PDCD11: variants seen among roughly 807,000 people sequenced by gnomAD.
PDCD11 encodes protein RRP5 homolog.
In PDCD11, 97 loss-of-function variants were observed where a neutral mutation model predicts 198.9. The ratio of observed to expected loss-of-function variants is 0.49; its 90% confidence interval spans 0.41 to 0.58. The LOEUF is 0.58. PDCD11 is among the 20% of genes least tolerant of loss of function. The pLI, the probability that PDCD11 is intolerant of heterozygous loss-of-function variation, is 0.00. For synonymous variants in PDCD11, 893 were observed against 918.0 expected, an observed-to-expected ratio of 0.97 and a Z score of 0.49; for missense variants, 2,102 against 2,312.7, an observed-to-expected ratio of 0.91 and a Z score of 1.87.
intron 21 of PDCD11, among the ~76,000 whole-genome samples, chr10:103,429,567 C>CT (rs1195932977): frequency 6.6e-6 from 1 of 152,014 alleles, no homozygotes; most frequent in Non-Finnish European, 1.5e-5. Flanking sequence ...TTCACATGGT[C>CT]TTCCTTTTAT....
rs754581974 is a variant in PDCD11 at position 103,442,286 on chromosome 10, C to T, written c.4781C>T (p.Ala1594Val). 58 of 1,614,062 alleles carry T rather than the reference C, an allele frequency of 3.6e-5. No homozygotes were observed. The highest frequency in any genetic ancestry group is 5.0e-5 in the Admixed American group (3 of 60,006). ...AEKELSRIEE[A>V]LMDPGRQPES... ...AAGGAACTGTCCCGCATTGAGGAGG[C>T]GCTGATGGATCCTGGGCGGCAGCCA... The change falls in exon 32 of 36, where the codon GCG (alanine) becomes GTG (valine). Residue 1594 changes from alanine (A) to valine (V), a missense_variant. By Grantham distance (64) the Ala-to-Val change is moderately conservative. Coordinates refer to ENST00000369797, the MANE Select transcript of PDCD11 (RefSeq NM_014976.2).
chr10:103,411,360 AATTT>A (rs755531631), intron 8 of PDCD11, among the ~76,000 whole-genome samples: 68 of 152,116 alleles, frequency 4.5e-4, no homozygotes, highest in Non-Finnish European at 6.6e-4. Context: ...TGCTATAGAT[AATTT>A]ATTTATTTAT....
intron 28 of PDCD11, 63 bp downstream of exon 28, chr10:103,439,931 C>A: frequency 6.3e-7 from 1 of 1,593,958 alleles, no homozygotes; most frequent in Non-Finnish European, 8.6e-7. Flanking sequence ...TCCAGGAGCC[C>A]TGGGAGGAGA....
intron 15 of PDCD11, among the ~76,000 whole-genome samples, chr10:103,419,014 C>T (rs1454149510): frequency 2.6e-5 from 4 of 151,802 alleles, no homozygotes; most frequent in South Asian, 2.1e-4. Context: ...GCCTTCTCCC[C>T]GCGGGGCTAT....
At position 103,418,430 on chromosome 10, in the gene PDCD11, C is replaced by T. The variant is rs1414222185; in HGVS notation, c.1912-10C>T. On this transcript the variant is annotated splice_polypyrimidine_tract_variant and intron_variant, in intron 14 of 35. Transcript: ENST00000369797. ...CAAGTGCTATTTTTGTCTTTCTCTTCCCTGGGTAGTTGGTAGATGTGAAGG... is the reference window on the plus strand; with the variant it reads ...CAAGTGCTATTTTTGTCTTTCTCTTTCCTGGGTAGTTGGTAGATGTGAAGG... 2.5e-6 allele frequency: 4 copies of T among 1,610,094 alleles called. No individual in the cohort carries two copies. The highest frequency in any genetic ancestry group is 3.4e-6 in the Non-Finnish European group (4 of 1,177,230).
At chr10:103,434,166 T>A in intron 23 of PDCD11, 82 bp from the exon 24 acceptor site, 1 of 1,212,836 alleles carries the variant, frequency 8.2e-7, no homozygotes, top group Admixed American at 1.7e-5. Flanking sequence ...GGGAGATACT[T>A]GCTTTGGAGA....
At position 103,439,800 on chromosome 10, in the gene PDCD11, C is replaced by G. The variant is rs759740533; in HGVS notation, c.4080C>G (p.Ser1360Arg). ...GGTACTCCCATGTCTCCCAGCACAG[C>G]CCGTCCAAGAAAGCCCTTTATAACA... is the stretch of plus-strand genomic sequence containing the variant. ...LARYSHVSQH[S>R]PSKKALYNKH... The change falls in exon 28 of 36, where the codon AGC becomes AGG. Residue 1360 changes from serine (S) to arginine (R), a missense_variant. Coordinates refer to ENST00000369797, the MANE Select transcript of PDCD11 (RefSeq NM_014976.2). 26 of 1,614,154 alleles carry G rather than the reference C, an allele frequency of 1.6e-5. No individual in the cohort carries two copies. The Admixed American group carries it at 3.3e-4, about 21-fold the overall frequency.
At position 103,440,566 on chromosome 10, in the gene PDCD11, G is replaced by A; in HGVS notation, c.4425G>A (p.Glu1475=). 6.2e-7 allele frequency: 1 copy of A among 1,611,438 alleles called. No individual in the cohort carries two copies. The highest frequency in any genetic ancestry group is 1.1e-5 in the South Asian group (1 of 90,940). ...AQKRGGRECR[E]SGSEQERVSK... Reference sequence around the variant, plus strand: ...AGCGGGGCGGGCGGGAGTGCCGGGAGTCTGGGAGTGAGCAGGTGAGGTCCT... The same window carrying A: ...AGCGGGGCGGGCGGGAGTGCCGGGAATCTGGGAGTGAGCAGGTGAGGTCCT... Residue 1475 remains glutamate (E), a synonymous_variant, in exon 29 of 36, where the codon GAG becomes GAA. Coordinates refer to ENST00000369797, the MANE Select transcript of PDCD11 (RefSeq NM_014976.2).
At chr10:103,428,250 A>T (rs945206147) in intron 21 of PDCD11, among the ~76,000 whole-genome samples, 3 of 151,908 alleles carry the variant, frequency 2.0e-5, no homozygotes, top group African/African-American at 7.3e-5. Flanking sequence ...GGTTGGAGTA[A>T]GTCAAAATCT....
intron 28 of PDCD11, 29 bp from the exon 29 acceptor site, chr10:103,440,261 C>T: frequency 6.3e-7 from 1 of 1,587,900 alleles, no homozygotes; most frequent in South Asian, 1.2e-5. Context: ...TTTATGATGT[C>T]TTTACCTCCC....
chr10:103,417,403 C>G (rs1165824065), intron 13 of PDCD11, among the ~76,000 whole-genome samples: 2 of 152,166 alleles, frequency 1.3e-5, no homozygotes, highest in Non-Finnish European at 2.9e-5. Context: ...AACTCCCTGG[C>G]TTCAAGTGAT....
Position 103,442,330 on chromosome 10 carries a change from G to T in PDCD11, c.4825G>T (p.Asp1609Tyr). The T allele has an allele frequency of 6.2e-7, 1 of 1,614,224 alleles. No individual in the cohort carries two copies. Among genetic ancestry groups the T allele is most frequent in the South Asian group, 1.1e-5 (1 of 91,056 alleles). ...GCAGCCAGAGTCCGCGGATGATTTTGACCGACTGGTGCTGAGCTCCCCCAA... is the reference window on the plus strand; with the variant it reads ...GCAGCCAGAGTCCGCGGATGATTTTTACCGACTGGTGCTGAGCTCCCCCAA... The part of the protein sequence containing the change: ...GRQPESADDF[D>Y]RLVLSSPNSS... Residue 1609 changes from aspartate to tyrosine, a missense_variant, in exon 32 of 36, where the codon GAC (aspartate) becomes TAC (tyrosine). Asp to Tyr is a radical substitution (Grantham distance 160). Coordinates refer to ENST00000369797, the MANE Select transcript of PDCD11 (RefSeq NM_014976.2).
chr10:103,434,232 T>C lies in PDCD11; in HGVS notation c.3565-16T>C, dbSNP rs1415161691. 6.3e-7 allele frequency: 1 copy of C among 1,579,032 alleles called. No individual in the cohort carries two copies. The highest frequency in any genetic ancestry group is 1.3e-5 in the African/African-American group (1 of 74,128). On this transcript the variant is annotated splice_polypyrimidine_tract_variant and intron_variant, in intron 23 of 35. Coordinates refer to ENST00000369797, the MANE Select transcript of PDCD11 (RefSeq NM_014976.2). Reference sequence around the variant, plus strand: ...GCCTTTCTTCAAGCATCACAGGAGTTTTTTTATCCTTCCAGGTTCTGAAGC... The same window carrying C: ...GCCTTTCTTCAAGCATCACAGGAGTCTTTTTATCCTTCCAGGTTCTGAAGC...
At chr10:103,411,263 T>G (rs1592118510) in intron 8 of PDCD11, among the ~76,000 whole-genome samples, 1 of 152,150 alleles carries the variant, frequency 6.6e-6, no homozygotes, top group East Asian at 1.9e-4. Context: ...CATGGATATT[T>G]GGGAAGAAAA....
Position 103,421,467 on chromosome 10 carries a change from G to A in PDCD11, c.2397G>A (p.Leu799=), listed in dbSNP as rs754729629. 2 of 1,602,084 alleles carry A rather than the reference G, an allele frequency of 1.2e-6. No homozygotes were observed. Among genetic ancestry groups the A allele is most frequent in the Non-Finnish European group, 1.7e-6 (2 of 1,174,302 alleles). Residue 799 remains leucine (L), a synonymous_variant, in exon 17 of 36, where the codon CTG becomes CTA. Coordinates refer to ENST00000369797, the MANE Select transcript of PDCD11 (RefSeq NM_014976.2). Reference sequence around the variant, plus strand: ...AGCGGATGCTGCTGTCACTGCGGCTGTCGGACTGTGGTCTGGGGGACTTGG... The same window carrying A: ...AGCGGATGCTGCTGTCACTGCGGCTATCGGACTGTGGTCTGGGGGACTTGG... The part of the protein sequence containing the change: ...EKQRMLLSLR[L]SDCGLGDLAI...
At position 103,426,785 on chromosome 10, in the gene PDCD11, C is replaced by CA. The variant is rs767245487; in HGVS notation, c.3306-528dup. Among the ~76,000 whole-genome samples, 497 of 109,692 alleles carry CA rather than the reference C, an allele frequency of 4.5e-3. 2 individuals are homozygous for CA. The highest frequency in any genetic ancestry group is 0.02 in the Middle Eastern group (4 of 202). 72.0% of individuals were successfully genotyped at this position (109,692 alleles called of 152,430 possible). A position where few individuals can be genotyped will look rare whatever the true frequency, so the allele number is the denominator to read the frequency against. On this transcript the variant is annotated intron_variant, in intron 20 of 35. Coordinates refer to ENST00000369797, the MANE Select transcript of PDCD11 (RefSeq NM_014976.2). ...TGGGCAAGAGAGTGAGACTCCGTTTCAAAAAAAAAAAAAAAATCAGGTGAG... is the reference window on the plus strand; with the variant it reads ...TGGGCAAGAGAGTGAGACTCCGTTTCAAAAAAAAAAAAAAAAATCAGGTGAG...
intron 4 of PDCD11, among the ~76,000 whole-genome samples, chr10:103,404,223 A>G (rs906841992): frequency 4.6e-5 from 7 of 151,792 alleles, no homozygotes; most frequent in African/African-American, 1.7e-4. Flanking sequence ...TCCTGACCTC[A>G]AATGATCCAC....
At chr10:103,433,852 C>T in intron 22 of PDCD11, 96 bp from the exon 23 acceptor site, 1 of 909,692 alleles carries the variant, frequency 1.1e-6, no homozygotes, top group South Asian at 1.4e-5. Flanking sequence ...GAAAAGTGTA[C>T]TGGGGCCCTT....
chr10:103,419,953 C>CTTT lies in PDCD11; in HGVS notation c.2277+263_2277+265dup, dbSNP rs35847749. Among the ~76,000 whole-genome samples, 100 of 97,338 alleles carry CTTT rather than the reference C, an allele frequency of 1.0e-3. 3 individuals carry two copies. The highest frequency in any genetic ancestry group is 1.4e-3 in the African/African-American group (35 of 24,566). The allele number at this position is 97,338 out of a possible 152,430, so 63.9% of individuals were successfully genotyped here. ...TACAGGTGCCCACCAACATGCCAGG[C>CTTT]TTTTTTTTTTTTTTTTTTTTGAGTA... On this transcript the variant is annotated intron_variant, in intron 16 of 35. Transcript: ENST00000369797.
Sources: allele counts gnomAD v4.1 joint callset (sites outside exome capture counted in the v4.1 genomes callset), GRCh38; gene constraint gnomAD v4.1.1; transcripts MANE v1.5; gene names NCBI Gene and HGNC (gene_info 2026-07-23, HGNC 2026-07-21).